The following ROBO2 variants were observed in gnomAD, a reference collection of about 807,000 sequenced individuals.
ROBO2 encodes roundabout homolog 2.
Under a neutral mutation model 160.8 loss-of-function variants are expected in ROBO2, and 53 were observed. The observed-to-expected ratio is 0.33, with a 90% CI of 0.26 to 0.41. ROBO2 has a LOEUF of 0.41. Ranked by LOEUF, ROBO2 falls within the 10% of genes least tolerant of loss-of-function variation. ROBO2 has a pLI of 1.00. For synonymous variants in ROBO2, 664 were observed against 611.7 expected (o/e 1.09, Z -1.26); for missense variants, 1,577 against 1,722.4 (o/e 0.92, Z 1.49).
intron 2 of ROBO2, among the ~76,000 whole-genome samples, chr3:76,017,586 A>T (rs774560269): frequency 1.5e-4 from 23 of 152,126 alleles, no homozygotes; most frequent in East Asian, 1.2e-3. Flanking sequence ...CCTCACAGTT[A>T]TTGAGATATT....
chr3:76,452,951 C>G (rs1178569821), intron 2 of ROBO2, among the ~76,000 whole-genome samples: 2 of 151,692 alleles, frequency 1.3e-5, no homozygotes, highest in African/African-American at 2.4e-5. Context: ...TTTCATGTGT[C>G]TTTTGGCTGC....
chr3:76,453,267 T>C (rs2077570002), intron 2 of ROBO2, among the ~76,000 whole-genome samples: 1 of 152,206 alleles, frequency 6.6e-6, no homozygotes, highest in Non-Finnish European at 1.5e-5. Context: ...ATGTCCTGAA[T>C]GGTAATGCCT....
At chr3:77,643,001 G>A in intron 24 of ROBO2, 58 bp downstream of exon 26, 2 of 441,098 alleles carry the variant, frequency 4.5e-6, no homozygotes, top group South Asian at 3.2e-5. Context: ...TTCCTACCAG[G>A]TATTCTAGAA....
At chr3:76,054,620 G>C (rs575322763) in intron 2 of ROBO2, among the ~76,000 whole-genome samples, 2 of 152,270 alleles carry the variant, frequency 1.3e-5, no homozygotes, top group Admixed American at 6.5e-5. Context: ...TAAACATAGA[G>C]ATAATAGACA....
intron 2 of ROBO2, among the ~76,000 whole-genome samples, chr3:77,154,136 G>A (rs1000704258): frequency 1.3e-5 from 2 of 151,608 alleles, no homozygotes; most frequent in Non-Finnish European, 1.5e-5. Flanking sequence ...AAAAAAACTT[G>A]TGAGAACATA....
intron 2 of ROBO2, among the ~76,000 whole-genome samples, chr3:77,267,467 C>G (rs924127906): frequency 1.3e-5 from 2 of 152,124 alleles, no homozygotes; most frequent in African/African-American, 4.8e-5. Context: ...TCACCTGCAC[C>G]TCTGTTACTC....
At chr3:75,933,716 A>G (rs956142914) in intron 1 of ROBO2, among the ~76,000 whole-genome samples, 3 of 152,102 alleles carry the variant, frequency 2.0e-5, no homozygotes, top group African/African-American at 7.2e-5. Context: ...GGGGAAGAAT[A>G]AAACCATCTA....
intron 2 of ROBO2, among the ~76,000 whole-genome samples, chr3:75,991,699 A>G (rs745393776): frequency 2.0e-5 from 3 of 152,136 alleles, no homozygotes; most frequent in Non-Finnish European, 2.9e-5. Flanking sequence ...ATTCAGTAAC[A>G]AGCAGAGGTT....
chr3:77,471,132 T>A (rs1344766663), intron 2 of ROBO2, among the ~76,000 whole-genome samples: 1 of 152,226 alleles, frequency 6.6e-6, no homozygotes, highest in African/African-American at 2.4e-5. Context: ...GGTTTAGAAA[T>A]GTATCTTTCA....
At chr3:76,918,148 T>A (rs1362765434) in intron 2 of ROBO2, among the ~76,000 whole-genome samples, 1 of 152,182 alleles carries the variant, frequency 6.6e-6, no homozygotes, top group Non-Finnish European at 1.5e-5. Context: ...GCTGTATGTC[T>A]CCACTCAAAT....
intron 2 of ROBO2, among the ~76,000 whole-genome samples, chr3:76,664,935 A>G (rs906415302): frequency 6.6e-6 from 1 of 152,210 alleles, no homozygotes; most frequent in African/African-American, 2.4e-5. Flanking sequence ...AGTACTGGAA[A>G]GAATGGTGGT....
At chr3:75,937,841 T>TTATATATATATATATATATATATATA (rs1158457510) in intron 2 of ROBO2, among the ~76,000 whole-genome samples, 19 of 105,498 alleles carry the variant, frequency 1.8e-4, no homozygotes, top group Middle Eastern at 4.5e-3. Context: ...GGAATTGATT[T>TTATATATATATATATATATATATATA]TATATATATA....
At chr3:76,741,508 T>C (rs1309827108) in intron 2 of ROBO2, among the ~76,000 whole-genome samples, 2 of 152,206 alleles carry the variant, frequency 1.3e-5, no homozygotes, top group East Asian at 1.9e-4. Flanking sequence ...GTTTGGTTGA[T>C]GTATTTTCTT....
intron 2 of ROBO2, among the ~76,000 whole-genome samples, chr3:76,933,709 G>C (rs2077500394): frequency 6.6e-6 from 1 of 152,124 alleles, no homozygotes; most frequent in Non-Finnish European, 1.5e-5. Flanking sequence ...ATAGCCAAGG[G>C]ATGACACTTT....
chr3:76,561,860 C>G (rs1362571684), intron 2 of ROBO2, among the ~76,000 whole-genome samples: 2 of 152,162 alleles, frequency 1.3e-5, no homozygotes, highest in African/African-American at 4.8e-5. Flanking sequence ...TATTCATCCA[C>G]TTGAATATCT....
intron 2 of ROBO2, among the ~76,000 whole-genome samples, chr3:76,248,392 C>G (rs376327658): frequency 2.0e-5 from 3 of 147,948 alleles, no homozygotes; most frequent in African/African-American, 7.5e-5. Context: ...ATCGCAAGAA[C>G]AAAAAACCAA....
intron 2 of ROBO2, among the ~76,000 whole-genome samples, chr3:76,874,414 G>C (rs185954606): frequency 2.0e-4 from 30 of 152,166 alleles, no homozygotes; most frequent in Non-Finnish European, 3.8e-4. Context: ...GAAAATCTAA[G>C]GGTGCTCTTG....
intron 2 of ROBO2, among the ~76,000 whole-genome samples, chr3:77,279,441 A>G (rs1292912133): frequency 1.3e-5 from 2 of 152,146 alleles, no homozygotes; most frequent in African/African-American, 2.4e-5. Flanking sequence ...AAGACATTTG[A>G]ATATGCATAG....
At chr3:77,102,781 G>GA (rs1040838059) in intron 2 of ROBO2, among the ~76,000 whole-genome samples, 3 of 136,356 alleles carry the variant, frequency 2.2e-5, no homozygotes, top group East Asian at 4.2e-4. Context: ...ACAGCAGAGG[G>GA]AAAAAAATTC....
Sources: gnomAD v4.1 joint callset for allele counts (sites outside exome capture counted in the v4.1 genomes callset) on GRCh38, gnomAD v4.1.1 for gene constraint, MANE v1.5 for transcripts, NCBI Gene and HGNC (gene_info 2026-07-23, HGNC 2026-07-21) for gene names.